Variants in DGKI observed in about 807,000 individuals in gnomAD.
DGKI encodes DAG kinase iota.
In DGKI, 55 loss-of-function variants were observed where a neutral mutation model predicts 147.5. The observed-to-expected ratio is 0.37, with a 90% CI of 0.30 to 0.47. The LOEUF (loss-of-function observed/expected upper bound fraction) is 0.47. Among genes scored for constraint, DGKI ranks in the 20% least tolerant of loss-of-function variants. The probability of loss-of-function intolerance (pLI) is 1.00; values close to 1 mark genes in which losing one functional copy is unlikely to be tolerated. For missense variants in DGKI, 1,007 were observed against 1,323.8 expected (o/e 0.76, Z 3.71); for synonymous variants, 469 against 477.1 (o/e 0.98, Z 0.22).
In DGKI at chr7:137,384,065, A is replaced by G. The variant is rs1811120473; in HGVS notation, c.*7155T>C. The G allele has an allele frequency of 6.6e-6, 1 of 152,018 alleles. No homozygotes were observed. Among genetic ancestry groups the G allele is most frequent in the Non-Finnish European group, 1.5e-5 (1 of 67,950 alleles). The allele number at this position is 152,018 out of a possible 1,614,324, so 9.4% of individuals were successfully genotyped here. On this transcript the variant is annotated 3_prime_UTR_variant, in exon 33 of 33. Transcript: ENST00000614521. ...ACTTAGCTTGCATACCCACCCATAA[A>G]CTTAGAGCAATAGAGTCTTGGATGT...
chr7:137,446,108 A>G (rs976287055), intron 27 of DGKI, among the ~76,000 whole-genome samples: 9 of 152,252 alleles, frequency 5.9e-5, no homozygotes, highest in Non-Finnish European at 1.0e-4. Flanking sequence ...ACAGGAACAA[A>G]GTAAAATTCA....
chr7:137,575,537 C>T lies in DGKI; in HGVS notation c.1761+1685G>A, dbSNP rs148645613. ...GGTCTCCTGGCAGGTACTGTGGATGCGCCTGTAAATGCAAAACACACTGGA... is the reference window on the plus strand; with the variant it reads ...GGTCTCCTGGCAGGTACTGTGGATGTGCCTGTAAATGCAAAACACACTGGA... On this transcript the variant is annotated intron_variant, in intron 17 of 32. Transcript: ENST00000614521. 1.1e-3 allele frequency among the ~76,000 whole-genome samples: 164 copies of T among 152,246 alleles called. 1 individual carries two copies. In the Middle Eastern group the frequency reaches 0.02, roughly 19 times the overall value.
chr7:137,662,718 A>G (rs1822488503), intron 3 of DGKI, among the ~76,000 whole-genome samples: 1 of 152,162 alleles, frequency 6.6e-6, no homozygotes, highest in South Asian at 2.1e-4. Context: ...CCATGTTAAA[A>G]GGTCCCAGCC....
intron 28 of DGKI, among the ~76,000 whole-genome samples, chr7:137,415,541 G>A (rs367742847): frequency 1.1e-4 from 17 of 152,268 alleles, no homozygotes; most frequent in African/African-American, 4.1e-4. Context: ...AGGTCCAAGA[G>A]AACAAATCAG....
At chr7:137,561,954 A>G (rs2128971484) in intron 19 of DGKI, among the ~76,000 whole-genome samples, 1 of 152,314 alleles carries the variant, frequency 6.6e-6, no homozygotes, top group Non-Finnish European at 1.5e-5. Context: ...AGGATAAAAT[A>G]AAGACATTTT....
intron 28 of DGKI, among the ~76,000 whole-genome samples, chr7:137,436,387 CTTTA>C (rs1255600008): frequency 6.6e-6 from 1 of 152,000 alleles, no homozygotes; most frequent in Non-Finnish European, 1.5e-5. Context: ...ATTATGAGGT[CTTTA>C]TTTAACAAAT....
intron 1 of DGKI, among the ~76,000 whole-genome samples, chr7:137,698,630 G>A (rs540410293): frequency 2.2e-4 from 34 of 152,240 alleles, no homozygotes; most frequent in South Asian, 4.1e-4. Context: ...TCCCAGCAGC[G>A]GTGAAATGAG....
At position 137,539,112 on chromosome 7, in the gene DGKI, G is replaced by A. The variant is rs1045215924; in HGVS notation, c.2147+13257C>T. Among the ~76,000 whole-genome samples the A allele has an allele frequency of 5.3e-5, 8 of 152,068 alleles. 1 individual carries two copies. Among genetic ancestry groups the A allele is most frequent in the African/African-American group, 1.7e-4 (7 of 41,398 alleles). On this transcript the variant is annotated intron_variant, in intron 20 of 32. Coordinates refer to ENST00000614521, the MANE Select transcript of DGKI (RefSeq NM_001321708.2). ...GGCCTTTTCACTATTTCTGGCAGCC[G>A]CAATGACAAAGCCTTCTGGCACCTA...
At chr7:137,581,829 G>T (rs1176095829) in intron 15 of DGKI, 21 bp downstream of exon 15, 1 of 1,602,632 alleles carries the variant, frequency 6.2e-7, no homozygotes, top group Admixed American at 1.7e-5. Flanking sequence ...CTGGGAGATG[G>T]AAATGGGACG....
intron 1 of DGKI, chr7:137,775,056 T>C (rs1939461762): frequency 6.6e-6 from 1 of 151,992 alleles, no homozygotes; most frequent in Non-Finnish European, 1.5e-5. Flanking sequence ...TTTTTTATTA[T>C]TATTTTTTTT....
intron 32 of DGKI, among the ~76,000 whole-genome samples, chr7:137,394,227 C>T (rs569937294): frequency 6.4e-4 from 97 of 152,224 alleles, no homozygotes; most frequent in African/African-American, 2.1e-3. Context: ...AGGATGGATG[C>T]GAATGAGGCT....
At chr7:137,471,531 T>C (rs1277252814) in intron 23 of DGKI, among the ~76,000 whole-genome samples, 1 of 152,128 alleles carries the variant, frequency 6.6e-6, no homozygotes, top group Non-Finnish European at 1.5e-5. Context: ...AGCTAGAAAC[T>C]TGTCAGAAAC....
At chr7:137,465,014 T>G (rs1364586557) in intron 26 of DGKI, among the ~76,000 whole-genome samples, 2 of 152,210 alleles carry the variant, frequency 1.3e-5, no homozygotes, top group Non-Finnish European at 2.9e-5. Flanking sequence ...CACACAAAAT[T>G]CTCTAAATAA....
At chr7:137,615,792 C>T (rs985727984) in intron 8 of DGKI, among the ~76,000 whole-genome samples, 9 of 151,992 alleles carry the variant, frequency 5.9e-5, no homozygotes, top group African/African-American at 1.9e-4. Context: ...TTTTCTTCCT[C>T]GTGGTTTTTT....
intron 18 of DGKI, among the ~76,000 whole-genome samples, chr7:137,571,793 A>G (rs28547511): frequency 0.064 from 9,685 of 152,168 alleles, 767 homozygotes; most frequent in African/African-American, 0.19. Flanking sequence ...AATGGGAAAC[A>G]GAAGAAATTG....
chr7:137,681,442 G>A (rs751570221), intron 2 of DGKI, among the ~76,000 whole-genome samples: 1 of 152,322 alleles, frequency 6.6e-6, no homozygotes, highest in African/African-American at 2.4e-5. Flanking sequence ...AAGGTATCCT[G>A]AAGACATCAA....
chr7:137,457,523 A>G (rs1184226290), intron 27 of DGKI, among the ~76,000 whole-genome samples: 2 of 152,204 alleles, frequency 1.3e-5, no homozygotes, highest in Admixed American at 6.5e-5. Flanking sequence ...TCCCATAATC[A>G]GCTTAGAACA....
chr7:137,427,691 A>C (rs1347813573), intron 28 of DGKI, among the ~76,000 whole-genome samples: 1 of 151,692 alleles, frequency 6.6e-6, no homozygotes, highest in African/African-American at 2.4e-5. Flanking sequence ...AGAATCAAAT[A>C]GATGCAATAA....
At chr7:137,483,475 T>G (rs1050167415) in intron 23 of DGKI, among the ~76,000 whole-genome samples, 3 of 152,126 alleles carry the variant, frequency 2.0e-5, no homozygotes, top group Non-Finnish European at 4.4e-5. Flanking sequence ...TGGGTACATG[T>G]GCAGGATATG....
Sources: allele counts gnomAD v4.1 joint callset (sites outside exome capture counted in the v4.1 genomes callset), GRCh38; gene constraint gnomAD v4.1.1; transcripts MANE v1.5; gene names NCBI Gene and HGNC (gene_info 2026-07-23, HGNC 2026-07-21).